The following AFAP1 variants were observed in gnomAD, a reference collection of about 807,000 sequenced individuals.
The protein encoded by AFAP1 is actin filament associated protein 1, also known as actin filament-associated protein 1.
AFAP1 carries 75 observed loss-of-function variants against 93.9 expected under a neutral mutation model. The ratio of observed to expected loss-of-function variants is 0.80; its 90% CI spans 0.66 to 0.97. The LOEUF (loss-of-function observed/expected upper bound fraction) is 0.97. AFAP1 is among the 50% of genes least tolerant of loss of function. AFAP1 has a pLI of 0.00. For missense variants in AFAP1, 1,201 were observed against 1,050.8 expected, an observed-to-expected ratio of 1.14 and a Z score of -1.98; for synonymous variants, 517 against 430.7, an observed-to-expected ratio of 1.20 and a Z score of -2.48.
intron 1 of AFAP1, among the ~76,000 whole-genome samples, chr4:7,926,057 C>CA (rs34012584): frequency 6.6e-6 from 1 of 152,144 alleles, no homozygotes; most frequent in Non-Finnish European, 1.5e-5. Context: ...GGGAGAAGCG[C>CA]AAAATGTCGA....
Position 7,866,331 on chromosome 4 carries a change from G to A in AFAP1, c.225+2291C>T, listed in dbSNP as rs185582544. Among the ~76,000 whole-genome samples, 198 of 152,256 alleles carry A rather than the reference G, an allele frequency of 1.3e-3. 2 individuals carry two copies. Among genetic ancestry groups the A allele is most frequent in the African/African-American group, 4.7e-3 (194 of 41,548 alleles). ...CCCACCTCAGCCTCCCAAGTAGCTG[G>A]ACTACAGCTGCACACCACCACACCC... On this transcript the variant is annotated intron_variant, in intron 3 of 17. Coordinates refer to ENST00000420658, the MANE Select transcript of AFAP1 (RefSeq NM_001134647.2).
At chr4:7,915,428 AG>A (rs1720035527) in intron 1 of AFAP1, among the ~76,000 whole-genome samples, 1 of 152,012 alleles carries the variant, frequency 6.6e-6, no homozygotes, top group African/African-American at 2.4e-5. Flanking sequence ...CTGAGAAAGC[AG>A]GACTGCTTGA....
chr4:7,847,475 G>C (rs1713849016), intron 4 of AFAP1, among the ~76,000 whole-genome samples: 1 of 152,142 alleles, frequency 6.6e-6, no homozygotes, highest in African/African-American at 2.4e-5. Context: ...CGGAAAGTAT[G>C]CTTAGCGATG....
chr4:7,902,268 C>T (rs1719160598), intron 1 of AFAP1, among the ~76,000 whole-genome samples: 1 of 152,192 alleles, frequency 6.6e-6, no homozygotes, highest in Non-Finnish European at 1.5e-5. Flanking sequence ...CTATCAATGA[C>T]CAAGCATCTG....
intron 1 of AFAP1, among the ~76,000 whole-genome samples, chr4:7,895,260 G>C (rs1294025940): frequency 6.6e-6 from 1 of 152,200 alleles, no homozygotes; most frequent in East Asian, 1.9e-4. Context: ...TAAAAACGAG[G>C]ATCATCAGAG....
intron 10 of AFAP1, among the ~76,000 whole-genome samples, chr4:7,799,394 GA>G (rs1252550846): frequency 6.6e-6 from 1 of 151,990 alleles, no homozygotes; most frequent in Non-Finnish European, 1.5e-5. Flanking sequence ...TGAAATTCAA[GA>G]TCTTCAGAAA....
intron 1 of AFAP1, among the ~76,000 whole-genome samples, chr4:7,921,549 G>A (rs1213108997): frequency 6.6e-6 from 1 of 152,064 alleles, no homozygotes; most frequent in Non-Finnish European, 1.5e-5. Flanking sequence ...TGTTGGCAAG[G>A]AAATAGAAAT....
chr4:7,814,636 G>T (rs1005107774), intron 8 of AFAP1, among the ~76,000 whole-genome samples: 1 of 152,200 alleles, frequency 6.6e-6, no homozygotes, highest in East Asian at 1.9e-4. Context: ...ACTCTCCGAC[G>T]CAGCGTGCTG....
At position 7,809,757 on chromosome 4, in the gene AFAP1, C is replaced by G. The variant is rs762585038; in HGVS notation, c.911G>C (p.Arg304Thr). Residue 304 changes from arginine to threonine, a missense_variant, in exon 9 of 18, where the codon AGG (arginine) becomes ACG (threonine). Physicochemically the swap from Arg to Thr is moderately conservative, Grantham distance 71. Coordinates refer to ENST00000420658, the MANE Select transcript of AFAP1 (RefSeq NM_001134647.2). ...TTCNGKEQVK[R>T]KKSSKSEAKG... ...GGCCTCTGATTTGGAACTTTTCTTC[C>G]TCTTCACTGTCAAGAGTAACAACAG... The G allele has an allele frequency of 6.2e-7, 1 of 1,612,926 alleles. No individual in the cohort carries two copies. The highest frequency in any genetic ancestry group is 1.1e-5 in the South Asian group (1 of 90,680).
chr4:7,840,305 G>GGGGTGTGT (rs201317810), intron 5 of AFAP1, among the ~76,000 whole-genome samples: 20 of 131,180 alleles, frequency 1.5e-4, no homozygotes, highest in African/African-American at 5.4e-4. Context: ...TTGTTTTTGG[G>GGGGTGTGT]GTGTGTGTGT....
intron 1 of AFAP1, among the ~76,000 whole-genome samples, chr4:7,933,955 G>A (rs966794970): frequency 2.0e-5 from 3 of 152,228 alleles, no homozygotes; most frequent in African/African-American, 7.2e-5. Context: ...ATGTGTTAAA[G>A]CAGCAACAGA....
chr4:7,797,484 G>C (rs6829473), intron 10 of AFAP1, among the ~76,000 whole-genome samples: 1 of 152,074 alleles, frequency 6.6e-6, no homozygotes, highest in Non-Finnish European at 1.5e-5. Context: ...ATGGGCTCCC[G>C]CTATAATTCT....
At chr4:7,877,923 G>A (rs1035644416) in intron 1 of AFAP1, among the ~76,000 whole-genome samples, 7 of 152,158 alleles carry the variant, frequency 4.6e-5, no homozygotes, top group African/African-American at 9.7e-5. Flanking sequence ...CCAGGACGCA[G>A]GTGCAGCTCC....
chr4:7,769,041 C>A (rs775040596), intron 16 of AFAP1, 33 bp from the exon 17 acceptor site: 1 of 1,558,028 alleles, frequency 6.4e-7, no homozygotes, highest in Non-Finnish European at 8.7e-7. Context: ...ATGTGATGAG[C>A]GGTTTCTGGG....
chr4:7,878,692 CATCTT>C (rs1717666666), intron 1 of AFAP1, among the ~76,000 whole-genome samples: 1 of 152,224 alleles, frequency 6.6e-6, no homozygotes, highest in Non-Finnish European at 1.5e-5. Flanking sequence ...GCTTTACAGA[CATCTT>C]AACTAATCTT....
At chr4:7,891,468 T>C (rs924680603) in intron 1 of AFAP1, among the ~76,000 whole-genome samples, 1 of 152,092 alleles carries the variant, frequency 6.6e-6, no homozygotes, top group East Asian at 1.9e-4. Context: ...ATACTAGATC[T>C]AGGTAAATAG....
chr4:7,887,903 C>T (rs78104555), intron 1 of AFAP1, among the ~76,000 whole-genome samples: 3 of 152,058 alleles, frequency 2.0e-5, no homozygotes, highest in Non-Finnish European at 2.9e-5. Context: ...CTCAGCTCAC[C>T]ATAACCTCTG....
At chr4:7,812,068 G>A (rs1031335208) in intron 8 of AFAP1, among the ~76,000 whole-genome samples, 2 of 151,978 alleles carry the variant, frequency 1.3e-5, no homozygotes, top group East Asian at 1.9e-4. Flanking sequence ...AGGGAGCGGC[G>A]GCTAGGACAG....
At chr4:7,780,315 A>C (rs1295807876) in intron 13 of AFAP1, among the ~76,000 whole-genome samples, 2 of 152,232 alleles carry the variant, frequency 1.3e-5, no homozygotes, top group East Asian at 3.8e-4. Context: ...TGTGCATTTG[A>C]TTTTTGATGA....
Sources: gnomAD v4.1 joint callset for allele counts (sites outside exome capture counted in the v4.1 genomes callset) on GRCh38, gnomAD v4.1.1 for gene constraint, MANE v1.5 for transcripts, NCBI Gene and HGNC (gene_info 2026-07-23, HGNC 2026-07-21) for gene names.